HPSE2: variants seen among roughly 807,000 people sequenced by gnomAD.
The protein encoded by HPSE2 is heparanase 2 (inactive).
HPSE2 carries 38 observed loss-of-function variants against 60.5 expected under a neutral mutation model. The ratio of observed to expected loss-of-function variants is 0.63; its 90% CI spans 0.48 to 0.82. HPSE2 has a LOEUF of 0.82. HPSE2 is among the 40% of genes least tolerant of loss of function. HPSE2 has a pLI of 0.00. For synonymous variants in HPSE2, 295 were observed against 293.2 expected, an observed-to-expected ratio of 1.01 and a Z score of -0.06; for missense variants, 713 against 740.4, an observed-to-expected ratio of 0.96 and a Z score of 0.43.
rs193162102 is a variant in HPSE2, at chr10:98,698,543, G to T, written c.957-4596C>A. 1.4e-3 allele frequency among the ~76,000 whole-genome samples: 213 copies of T among 152,216 alleles called. 3 individuals carry two copies. Among genetic ancestry groups the T allele is most frequent in the African/African-American group, 4.9e-3 (203 of 41,530 alleles). ...AATGCCCACAAGAGAAAGCGGGAAA[G>T]ATCCAAAATTGACACCCTAACATCC... On this transcript the variant is annotated intron_variant, in intron 5 of 11. Coordinates refer to ENST00000370552, the MANE Select transcript of HPSE2 (RefSeq NM_021828.5).
intron 7 of HPSE2, among the ~76,000 whole-genome samples, chr10:98,636,520 A>G (rs1946505966): frequency 6.6e-6 from 1 of 152,180 alleles, no homozygotes; most frequent in African/African-American, 2.4e-5. Context: ...GATTACAGGC[A>G]TGAGCCACTG....
chr10:99,275,461 T>A, the HPSE2 span, among the ~76,000 whole-genome samples: 1 of 152,142 alleles, frequency 6.6e-6, no homozygotes, highest in Admixed American at 6.5e-5. Context: ...AAGGGAATAT[T>A]ACTAATAAGT....
intron 7 of HPSE2, among the ~76,000 whole-genome samples, chr10:98,641,573 C>T (rs569212594): frequency 2.6e-5 from 4 of 151,612 alleles, no homozygotes; most frequent in African/African-American, 9.7e-5. Flanking sequence ...GGCAACAAAG[C>T]AAGCCTCCAT....
chr10:99,049,826 A>AT (rs920547527), intron 3 of HPSE2, among the ~76,000 whole-genome samples: 5 of 152,176 alleles, frequency 3.3e-5, no homozygotes, highest in Non-Finnish European at 5.9e-5. Context: ...AGGAGAAAAT[A>AT]TTTTTTGCAA....
chr10:98,829,296 G>A (rs1420612355), intron 3 of HPSE2, among the ~76,000 whole-genome samples: 1 of 152,106 alleles, frequency 6.6e-6, no homozygotes, highest in African/African-American at 2.4e-5. Flanking sequence ...TTGGGAGGCC[G>A]AGGCAGGTGG....
intron 8 of HPSE2, among the ~76,000 whole-genome samples, chr10:98,618,892 AAAG>A (rs1404125503): frequency 2.0e-5 from 3 of 152,256 alleles, no homozygotes; most frequent in South Asian, 2.1e-4. Flanking sequence ...TGTACTTTTG[AAAG>A]AAGATTCTTA....
At chr10:99,209,846 C>T (rs376611237) in intron 2 of HPSE2, among the ~76,000 whole-genome samples, 5 of 152,080 alleles carry the variant, frequency 3.3e-5, no homozygotes, top group African/African-American at 4.8e-5. Context: ...CATGCCACCA[C>T]GCCTGGCTAA....
rs79136204 is a variant in HPSE2 at position 98,659,196 on chromosome 10, G to A, written c.1005-17256C>T. Among the ~76,000 whole-genome samples the A allele has an allele frequency of 7.8e-3, 1,189 of 151,964 alleles. 5 individuals are homozygous for A. The highest frequency in any genetic ancestry group is 0.013 in the Non-Finnish European group (914 of 67,982). On this transcript the variant is annotated intron_variant, in intron 6 of 11. Transcript: ENST00000370552. ...TATACATTCATCCCTCAGTATATGT[G>A]GGGGATTGGTTCCAGGACCTCCATG...
intron 3 of HPSE2, among the ~76,000 whole-genome samples, chr10:98,802,157 ATC>A (rs770040942): frequency 2.2e-4 from 33 of 152,258 alleles, no homozygotes; most frequent in Admixed American, 3.3e-4. Context: ...CTAGATTCCT[ATC>A]TCTCACAAAA....
At chr10:98,675,444 C>G (rs1298238575) in intron 6 of HPSE2, among the ~76,000 whole-genome samples, 2 of 151,970 alleles carry the variant, frequency 1.3e-5, no homozygotes, top group Non-Finnish European at 2.9e-5. Flanking sequence ...GTGGCTCACA[C>G]CTGTAATCCC....
chr10:99,281,583 T>G, the HPSE2 span, among the ~76,000 whole-genome samples: 8 of 152,280 alleles, frequency 5.3e-5, no homozygotes, highest in African/African-American at 1.9e-4. Context: ...TTATCTATTT[T>G]CTGAAAAGTA....
At chr10:98,824,203 A>G (rs922137883) in intron 3 of HPSE2, among the ~76,000 whole-genome samples, 17 of 150,554 alleles carry the variant, frequency 1.1e-4, no homozygotes, top group African/African-American at 4.3e-4. Context: ...CATGGTTTTT[A>G]AAGTCAATAA....
intron 3 of HPSE2, among the ~76,000 whole-genome samples, chr10:98,778,747 T>C (rs1232553333): frequency 2.0e-5 from 3 of 152,236 alleles, no homozygotes. Context: ...CCTCAGTTTG[T>C]TCATCTATAA....
Position 99,152,842 on chromosome 10 carries a change from G to A in HPSE2, c.449-8443C>T, listed in dbSNP as rs997609899. Among the ~76,000 whole-genome samples the A allele has an allele frequency of 3.3e-5, 5 of 152,332 alleles. No homozygotes were observed. The East Asian group carries it at 9.7e-4, about 29-fold the overall frequency. On this transcript the variant is annotated intron_variant, in intron 2 of 11. Coordinates refer to ENST00000370552, the MANE Select transcript of HPSE2 (RefSeq NM_021828.5). ...TTCTGCATTTCCATCTGAGGTACCG[G>A]GTTCACCTCACTAGGGAGTGCCAGA...
At chr10:98,915,563 T>C (rs1313846470) in intron 3 of HPSE2, among the ~76,000 whole-genome samples, 2 of 152,212 alleles carry the variant, frequency 1.3e-5, no homozygotes, top group African/African-American at 4.8e-5. Flanking sequence ...AACACCATCA[T>C]CTATTCTGAA....
At chr10:98,536,495 C>T (rs536221) in intron 9 of HPSE2, among the ~76,000 whole-genome samples, 6,786 of 151,852 alleles carry the variant, frequency 0.045, 167 homozygotes, top group South Asian at 0.089. Flanking sequence ...GAAGTGCAGA[C>T]GAATCTCATT....
chr10:99,011,774 A>AAAAAC (rs1589513780), intron 3 of HPSE2, among the ~76,000 whole-genome samples: 1 of 151,124 alleles, frequency 6.6e-6, no homozygotes. Context: ...AAAAAAAAAA[A>AAAAAC]TGCTCTAAGC....
chr10:98,773,832 T>C (rs969431437), intron 3 of HPSE2, among the ~76,000 whole-genome samples: 3 of 152,152 alleles, frequency 2.0e-5, no homozygotes, highest in East Asian at 1.9e-4. Flanking sequence ...GGTGAAAGGA[T>C]TGCTTTTGAG....
At position 99,177,447 on chromosome 10, in the gene HPSE2, C is replaced by CA. The variant is rs540067589; in HGVS notation, c.449-33049dup. On this transcript the variant is annotated intron_variant, in intron 2 of 11. Coordinates refer to ENST00000370552, the MANE Select transcript of HPSE2 (RefSeq NM_021828.5). ...AAATATTTACCAAGCAAATGGAAAG[C>CA]AAAAAAAAAGCAGGGGTTGCAATCC... 3.3e-3 allele frequency among the ~76,000 whole-genome samples: 495 copies of CA among 148,338 alleles called. 2 individuals are homozygous for CA. The highest frequency in any genetic ancestry group is 6.9e-3 in the Middle Eastern group (2 of 290).
Sources: gnomAD v4.1 joint callset for allele counts (sites outside exome capture counted in the v4.1 genomes callset) on GRCh38, gnomAD v4.1.1 for gene constraint, MANE v1.5 for transcripts, NCBI Gene and HGNC (gene_info 2026-07-23, HGNC 2026-07-21) for gene names.